IDO2: variants seen among roughly 807,000 people sequenced by gnomAD.
IDO2 encodes the protein indoleamine 2,3-dioxygenase 2, also known as indoleamine 2,3-dioxygenase-like 1 protein.
A neutral mutation model predicts 45.1 loss-of-function variants in IDO2; 46 were observed. That is an observed-to-expected ratio of 1.02 (90% CI 0.80 to 1.30). The LOEUF (loss-of-function observed/expected upper bound fraction) is 1.30, where lower values mean the gene tolerates loss of function less well. Among genes scored for constraint, IDO2 ranks in the 50% most tolerant of loss-of-function variants. The pLI, the probability that IDO2 is intolerant of heterozygous loss-of-function variation, is 0.00. For missense variants in IDO2, 544 were observed against 491.8 expected (o/e 1.11, Z -1.00); for synonymous variants, 218 against 184.9 (o/e 1.18, Z -1.45).
At chr8:39,983,730 GT>G (rs1808385428) in intron 5 of IDO2, among the ~76,000 whole-genome samples, 1 of 152,140 alleles carries the variant, frequency 6.6e-6, no homozygotes, top group Non-Finnish European at 1.5e-5. Context: ...GCCGGGCATG[GT>G]GGCACATACC....
chr8:40,000,564 A>T (rs1802120336), intron 8 of IDO2, among the ~76,000 whole-genome samples: 1 of 152,334 alleles, frequency 6.6e-6, no homozygotes, highest in South Asian at 2.1e-4. Context: ...GGTCATATAG[A>T]CATAGCACAT....
chr8:39,945,395 C>A (rs1289154831), intron 1 of IDO2, among the ~76,000 whole-genome samples: 1 of 152,212 alleles, frequency 6.6e-6, no homozygotes, highest in Non-Finnish European at 1.5e-5. Context: ...GAGGGAGGAT[C>A]TTTCAGCCCT....
rs1293925566 is a variant in IDO2, at chr8:40,003,469, T to G, written c.668-1858T>G. Among the ~76,000 whole-genome samples, 12 of 152,174 alleles carry G rather than the reference T, an allele frequency of 7.9e-5. No individual in the cohort carries two copies. The East Asian group carries it at 2.3e-3, about 29-fold the overall frequency. On this transcript the variant is annotated intron_variant, in intron 8 of 10. Transcript: ENST00000502986. ...GATAAAGGGCTTACCTATCTTCTGC[T>G]TTATTCATAGTTACTTGATATTTTT...
intron 8 of IDO2, among the ~76,000 whole-genome samples, chr8:39,990,199 G>T (rs747381919): frequency 3.3e-5 from 5 of 152,158 alleles, no homozygotes; most frequent in Non-Finnish European, 7.4e-5. Context: ...CTGCAGAGCA[G>T]GTTGTCTACA....
chr8:40,006,239 AC>A lies in IDO2; in HGVS notation c.719+863del, dbSNP rs144143426. ...AGAAACTACTTTGAGTACCCATACAACCATTCTGTTTTTCACATTTGGTACA... is the reference window on the plus strand; with the variant it reads ...AGAAACTACTTTGAGTACCCATACAACATTCTGTTTTTCACATTTGGTACA... On this transcript the variant is annotated intron_variant, in intron 9 of 10. Coordinates refer to ENST00000502986, the Ensembl canonical transcript of IDO2. Among the ~76,000 whole-genome samples, 395 of 152,186 alleles carry A rather than the reference AC, an allele frequency of 2.6e-3. 2 individuals are homozygous for A. The highest frequency in any genetic ancestry group is 9.3e-3 in the African/African-American group (386 of 41,554).
intron 1 of IDO2, among the ~76,000 whole-genome samples, chr8:39,939,689 TAA>T (rs1280852987): frequency 4.8e-5 from 4 of 83,070 alleles, no homozygotes; most frequent in African/African-American, 1.7e-4. Context: ...GTCACGAAAA[TAA>T]AAGAGTTAAA....
At position 39,943,770 on chromosome 8, in the gene IDO2, G is replaced by A. The variant is rs114113471; in HGVS notation, c.-17-5379G>A. 4.7e-3 allele frequency among the ~76,000 whole-genome samples: 699 copies of A among 147,388 alleles called. 4 individuals are homozygous for A. The highest frequency in any genetic ancestry group is 0.016 in the African/African-American group (654 of 40,022). On this transcript the variant is annotated intron_variant, in intron 1 of 10. Coordinates refer to ENST00000502986, the Ensembl canonical transcript of IDO2. ...AAAAAAAAAAAAAAGGAAACCTATA[G>A]CTAACATCATACTGAATGGTGAACA... is the stretch of plus-strand genomic sequence containing the variant.
rs375986748 is a variant in IDO2, at chr8:39,953,665, C to T, written c.99+4401C>T. ...GCAACCTCCGCCTCCTGGGTTCAAACGATTCTCCTGCCTCAGCCTCCTGAG... is the reference window on the plus strand; with the variant it reads ...GCAACCTCCGCCTCCTGGGTTCAAATGATTCTCCTGCCTCAGCCTCCTGAG... On this transcript the variant is annotated intron_variant, in intron 2 of 10. Transcript: ENST00000502986. 2.0e-3 allele frequency among the ~76,000 whole-genome samples: 311 copies of T among 152,206 alleles called. 3 individuals are homozygous for T. The highest frequency in any genetic ancestry group is 7.0e-3 in the African/African-American group (289 of 41,534).
chr8:39,940,429 A>C (rs954027047), intron 1 of IDO2, among the ~76,000 whole-genome samples: 1 of 152,206 alleles, frequency 6.6e-6, no homozygotes, highest in Admixed American at 6.5e-5. Flanking sequence ...AGGTTACTAC[A>C]TTAGTAGCAA....
intron 7 of IDO2, among the ~76,000 whole-genome samples, chr8:39,988,536 A>G (rs1458407150): frequency 1.3e-5 from 2 of 151,568 alleles, no homozygotes; most frequent in Non-Finnish European, 1.5e-5. Flanking sequence ...GGTTCAAGCA[A>G]TTCTCCTCCC....
chr8:40,004,805 G>A (rs988087535), intron 8 of IDO2, among the ~76,000 whole-genome samples: 1 of 152,196 alleles, frequency 6.6e-6, no homozygotes, highest in Non-Finnish European at 1.5e-5. Flanking sequence ...TTATATTAAT[G>A]AAGGTAGCTA....
chr8:40,013,624 C>G, exon 10 of IDO2: 1 of 1,613,884 alleles, frequency 6.2e-7, no homozygotes, highest in Non-Finnish European at 8.5e-7. Flanking sequence ...TCCCAAGAGC[C>G]CCTGAAATAC....
chr8:39,993,769 AGAG>A (rs1376404026), intron 8 of IDO2, among the ~76,000 whole-genome samples: 1 of 152,138 alleles, frequency 6.6e-6, no homozygotes, highest in East Asian at 1.9e-4. Flanking sequence ...CAGCACACTG[AGAG>A]GAAGAGGCGG....
At chr8:39,969,098 C>A (rs1019446888) in intron 3 of IDO2, among the ~76,000 whole-genome samples, 2 of 151,998 alleles carry the variant, frequency 1.3e-5, no homozygotes, top group Non-Finnish European at 2.9e-5. Flanking sequence ...TCATGGGGTG[C>A]GGGTGAACAG....
At chr8:39,954,194 C>A (rs1465098128) in intron 2 of IDO2, among the ~76,000 whole-genome samples, 1 of 152,174 alleles carries the variant, frequency 6.6e-6, no homozygotes, top group Non-Finnish European at 1.5e-5. Context: ...ATATTCTAGT[C>A]CTCATCTCCT....
intron 8 of IDO2, among the ~76,000 whole-genome samples, chr8:40,004,525 TGATA>T (rs201569450): frequency 0.021 from 2,972 of 144,488 alleles, 62 homozygotes; most frequent in East Asian, 0.11. Flanking sequence ...GACAGACAGA[TGATA>T]GATAGATAGA....
chr8:39,944,453 C>G (rs1056700502), intron 1 of IDO2, among the ~76,000 whole-genome samples: 3 of 152,140 alleles, frequency 2.0e-5, no homozygotes, highest in South Asian at 4.1e-4. Flanking sequence ...AATTGACTCT[C>G]CCTTAGCTAA....
At chr8:39,992,122 G>A (rs533123562) in intron 8 of IDO2, among the ~76,000 whole-genome samples, 97 of 152,340 alleles carry the variant, frequency 6.4e-4, no homozygotes, top group Non-Finnish European at 9.1e-4. Context: ...CCTCCACAGC[G>A]TGGCCTGGGC....
chr8:39,957,964 GGT>G (rs1372228850), intron 2 of IDO2, among the ~76,000 whole-genome samples: 13 of 151,766 alleles, frequency 8.6e-5, no homozygotes, highest in Admixed American at 2.0e-4. Context: ...GGAGTGCAGT[GGT>G]GCGATCTCAG....
Sources: allele counts gnomAD v4.1 joint callset (sites outside exome capture counted in the v4.1 genomes callset), GRCh38; gene constraint gnomAD v4.1.1; transcripts MANE v1.5; gene names NCBI Gene and HGNC (gene_info 2026-07-23, HGNC 2026-07-21).